The following FAM153A variants were observed in gnomAD, a reference collection of about 807,000 sequenced individuals.
The protein encoded by FAM153A is family with sequence similarity 153 member A.
Under a neutral mutation model 48.1 loss-of-function variants are expected in FAM153A, and 12 were observed. That is an observed-to-expected ratio of 0.25 (90% CI 0.16 to 0.40). The LOEUF (loss-of-function observed/expected upper bound fraction) is 0.40, where lower values mean the gene tolerates loss of function less well. FAM153A is among the 10% of genes least tolerant of loss of function. The pLI, the probability that FAM153A is intolerant of heterozygous loss-of-function variation, is 1.00. For missense variants in FAM153A, 111 were observed against 345.8 expected (o/e 0.32, Z 5.38); for synonymous variants, 36 against 118.2 (o/e 0.30, Z 4.51).
chr5:177,781,248 A>G (rs1006789392), upstream of FAM153A, among the ~76,000 whole-genome samples: 5 of 103,842 alleles, frequency 4.8e-5, no homozygotes, highest in African/African-American at 1.3e-4. Flanking sequence ...ATGGGCGCCC[A>G]CCACCACGCC....
upstream of FAM153A, among the ~76,000 whole-genome samples, chr5:177,781,129 C>CGGGGG (rs1769602057): frequency 1.0e-5 from 1 of 99,818 alleles, no homozygotes; most frequent in East Asian, 4.0e-4. Flanking sequence ...AGGCCGGGCG[C>CGGGGG]GGTGGCTCAC....
chr5:177,696,764 T>C, the FAM153A span, among the ~76,000 whole-genome samples: 523 of 151,724 alleles, frequency 3.4e-3, 10 homozygotes, highest in African/African-American at 0.012. Context: ...AGTCCTGGGC[T>C]CAAGTGATCC....
chr5:177,768,847 G>A, intron 1 of FAM153A, among the ~76,000 whole-genome samples: 1 of 113,110 alleles, frequency 8.8e-6, no homozygotes, highest in Non-Finnish European at 1.8e-5. Context: ...CAACATCAAG[G>A]CCTGACTATC....
chr5:177,746,657 T>G (rs1264242435), intron 4 of FAM153A, among the ~76,000 whole-genome samples: 1 of 149,160 alleles, frequency 6.7e-6, no homozygotes, highest in Non-Finnish European at 1.5e-5. Context: ...CTTTTAACAC[T>G]GTGTGTGTGT....
upstream of FAM153A, among the ~76,000 whole-genome samples, chr5:177,781,349 C>G (rs1194644126): frequency 2.8e-5 from 4 of 145,182 alleles, no homozygotes; most frequent in African/African-American, 1.0e-4. Flanking sequence ...TCTCAATCTC[C>G]TGACCTCGTG....
At chr5:177,768,816 T>C (rs1768918423) in intron 1 of FAM153A, among the ~76,000 whole-genome samples, 1 of 110,888 alleles carries the variant, frequency 9.0e-6, no homozygotes, top group African/African-American at 3.7e-5. Context: ...ATCAACACGG[T>C]CTCCTCCTGT....
At chr5:177,737,835 A>G (rs932701017) in intron 10 of FAM153A, among the ~76,000 whole-genome samples, 2 of 151,782 alleles carry the variant, frequency 1.3e-5, no homozygotes, top group African/African-American at 4.9e-5. Context: ...ATTCTGTACT[A>G]GAAACAAAGC....
At chr5:177,724,445 A>T in intron 19 of FAM153A, 83 bp from the exon 22 acceptor site, 1 of 1,602,566 alleles carries the variant, frequency 6.2e-7, no homozygotes, top group Non-Finnish European at 8.5e-7. Context: ...TCCAGAGCAG[A>T]CCCAGATGTC....
chr5:177,759,799 CA>C (rs1768126503), intron 1 of FAM153A, among the ~76,000 whole-genome samples: 1 of 150,172 alleles, frequency 6.7e-6, no homozygotes, highest in South Asian at 2.1e-4. Context: ...GAGCATCACA[CA>C]CCGGGGCCTG....
the FAM153A span, among the ~76,000 whole-genome samples, chr5:177,696,265 T>TGGC: frequency 3.2e-5 from 3 of 94,448 alleles, no homozygotes; most frequent in African/African-American, 8.7e-5. Context: ...CCAGACGGGG[T>TGGC]GGCCAGGCAG....
At chr5:177,737,859 TGAG>T (rs1268421269) in intron 10 of FAM153A, among the ~76,000 whole-genome samples, 2 of 151,756 alleles carry the variant, frequency 1.3e-5, no homozygotes, top group African/African-American at 2.4e-5. Context: ...CTTTCTTCAA[TGAG>T]GAGATTAATT....
At chr5:177,705,658 C>CTTT (rs70994931), downstream of FAM153A, among the ~76,000 whole-genome samples, 241 of 79,820 alleles carry the variant, frequency 3.0e-3, 7 homozygotes, top group African/African-American at 9.4e-3. Context: ...TTTTCTTTTT[C>CTTT]TTTTTTTTTT....
downstream of FAM153A, chr5:177,723,096 G>A (rs1334376306): frequency 1.4e-5 from 2 of 141,650 alleles, no homozygotes; most frequent in Admixed American, 7.2e-5. Flanking sequence ...AGAGCTGCAC[G>A]TTGAACATGC....
chr5:177,727,388 G>GACA (rs1762809459), intron 18 of FAM153A, among the ~76,000 whole-genome samples: 1 of 100,270 alleles, frequency 1.0e-5, no homozygotes, highest in Admixed American at 1.1e-4. Context: ...TGTGACCTTG[G>GACA]ATCAGAATCC....
chr5:177,723,064 AAC>A (rs1261946319), downstream of FAM153A: 47 of 144,258 alleles, frequency 3.3e-4, no homozygotes, highest in African/African-American at 1.0e-3. Flanking sequence ...CTGCACGTTG[AAC>A]ATGCATAGCT....
intron 11 of FAM153A, 139 bp from the exon 14 acceptor site, chr5:177,736,748 G>C (rs1238229191): frequency 5.6e-5 from 24 of 431,818 alleles, no homozygotes. Context: ...GAAGACATTC[G>C]TGGAAAGGCA....
chr5:177,735,076 C>T (rs1254689591), intron 12 of FAM153A, 143 bp from the exon 15 acceptor site: 2 of 645,670 alleles, frequency 3.1e-6, no homozygotes, highest in Admixed American at 3.2e-5. Context: ...CTTTGGCTTC[C>T]TAGCTCCAGG....
At chr5:177,751,435 T>C (rs1348205007) in intron 1 of FAM153A, among the ~76,000 whole-genome samples, 1 of 139,710 alleles carries the variant, frequency 7.2e-6, no homozygotes, top group Non-Finnish European at 1.5e-5. Flanking sequence ...TAAATGGACC[T>C]AAAGCCTTAA....
the FAM153A span, among the ~76,000 whole-genome samples, chr5:177,698,058 C>T: frequency 2.1e-4 from 31 of 151,064 alleles, no homozygotes; most frequent in East Asian, 3.7e-3. Flanking sequence ...GTAAGTAAGG[C>T]GGATGGGCAA....
Sources: allele counts gnomAD v4.1 joint callset (sites outside exome capture counted in the v4.1 genomes callset), GRCh38; gene constraint gnomAD v4.1.1; transcripts MANE v1.5; gene names NCBI Gene and HGNC (gene_info 2026-07-23, HGNC 2026-07-21).